Variants in ZNF106 observed in about 807,000 individuals in gnomAD.
ZNF106 encodes zinc finger protein 106, also known as SH3-domain binding protein 3.
In ZNF106, 67 loss-of-function variants were observed where a neutral mutation model predicts 195.1. That is an observed-to-expected ratio of 0.34 (90% CI 0.28 to 0.42). ZNF106 has a LOEUF of 0.42. ZNF106 is among the 10% of genes least tolerant of loss of function. The probability of loss-of-function intolerance (pLI) is 1.00; values close to 1 mark genes in which losing one functional copy is unlikely to be tolerated. For missense variants in ZNF106, 2,118 were observed against 2,304.5 expected (o/e 0.92, Z 1.66); for synonymous variants, 784 against 818.6 (o/e 0.96, Z 0.72).
rs2054413518 is a variant in ZNF106, at chr15:42,415,393, A to G, written c.*1911T>C. The G allele has an allele frequency of 4.4e-6, 2 of 454,182 alleles. No homozygotes were observed. Among genetic ancestry groups the G allele is most frequent in the African/African-American group, 2.0e-5 (1 of 49,858 alleles). 28.1% of individuals were successfully genotyped at this position (454,182 alleles called of 1,614,324 possible). The stretch of plus-strand genomic sequence containing the variant: ...CGCCTCGGCCTCCCAAAGAGCTGGG[A>G]TTACAGGTGTGAGCCACCAGGCCCG... On this transcript the variant is annotated 3_prime_UTR_variant, in exon 22 of 22. Coordinates refer to ENST00000564754, the MANE Select transcript of ZNF106 (RefSeq NM_001366845.3).
chr15:42,424,795 T>C, intron 16 of ZNF106, 39 bp downstream of exon 16: 1 of 1,589,670 alleles, frequency 6.3e-7, no homozygotes, highest in African/African-American at 1.3e-5. Context: ...ACCCTTCTAT[T>C]TGTGCCAGAC....
intron 5 of ZNF106, 87 bp from the exon 6 acceptor site, chr15:42,448,792 G>T: frequency 7.2e-7 from 1 of 1,390,394 alleles, no homozygotes; most frequent in Non-Finnish European, 9.6e-7. Context: ...GCTCTCTCAA[G>T]CACTGAGGTT....
At chr15:42,483,024 G>A (rs1392617079) in intron 1 of ZNF106, among the ~76,000 whole-genome samples, 1 of 151,990 alleles carries the variant, frequency 6.6e-6, no homozygotes, top group Non-Finnish European at 1.5e-5. Context: ...GGTTCTTCAG[G>A]CCACAAAGAC....
At chr15:42,447,977 C>T in intron 6 of ZNF106, 95 bp downstream of exon 6, 1 of 1,383,592 alleles carries the variant, frequency 7.2e-7, no homozygotes, top group Non-Finnish European at 9.8e-7. Flanking sequence ...GAATCACAAT[C>T]CCAGATACCC....
At position 42,438,617 on chromosome 15, in the gene ZNF106, G is replaced by T. The variant is rs1255328139; in HGVS notation, c.4595C>A (p.Ser1532Tyr). 6.2e-7 allele frequency: 1 copy of T among 1,613,316 alleles called. No individual in the cohort carries two copies. Among genetic ancestry groups the T allele is most frequent in the South Asian group, 1.1e-5 (1 of 90,966 alleles). ...VISSIKGSKN[S>Y]SEISSEPGDD... ...TAAAACTGAACAGCAAATACCTGAA[G>T]AATTCTTTGATCCTTTTATGGAGGA... Residue 1532 changes from serine to tyrosine, a missense_variant, in exon 12 of 22, where the codon TCT becomes TAT. Coordinates refer to ENST00000564754, the MANE Select transcript of ZNF106 (RefSeq NM_001366845.3).
intron 10 of ZNF106, among the ~76,000 whole-genome samples, chr15:42,440,995 AAAAATATATATATATATATATATATAT>A (rs1158493154): frequency 5.8e-5 from 3 of 52,096 alleles, no homozygotes; most frequent in African/African-American, 4.3e-4. Flanking sequence ...AAAAAAAAAA[AAAAATATATATATATATATATATATAT>A]ATATATATAT....
chr15:42,453,274 T>C (rs1346986618), intron 4 of ZNF106, among the ~76,000 whole-genome samples: 3 of 152,100 alleles, frequency 2.0e-5, no homozygotes, highest in East Asian at 3.9e-4. Flanking sequence ...ACCAAACAAG[T>C]AGTAACCATA....
At chr15:42,477,454 C>T (rs1195381916) in intron 1 of ZNF106, among the ~76,000 whole-genome samples, 3 of 152,184 alleles carry the variant, frequency 2.0e-5, no homozygotes, top group African/African-American at 7.2e-5. Context: ...CCTCTAGTTT[C>T]CCATATTAAC....
At chr15:42,421,197 CAA>C in intron 19 of ZNF106, 65 bp from the exon 20 acceptor site, 1 of 1,421,580 alleles carries the variant, frequency 7.0e-7, no homozygotes, top group East Asian at 2.3e-5. Flanking sequence ...ACCCTCAAAA[CAA>C]GAGTCACAAG....
At chr15:42,490,081 T>C (rs2057113092) in intron 1 of ZNF106, among the ~76,000 whole-genome samples, 1 of 150,190 alleles carries the variant, frequency 6.7e-6, no homozygotes, top group African/African-American at 2.5e-5. Context: ...ATACAAAAAA[T>C]TAGCCAGGTA....
At chr15:42,465,265 A>G (rs2056489386) in intron 3 of ZNF106, among the ~76,000 whole-genome samples, 1 of 151,892 alleles carries the variant, frequency 6.6e-6, no homozygotes, top group Admixed American at 6.6e-5. Context: ...TCAAGCTTCA[A>G]ATCACAGAAT....
rs749368578 is a variant in ZNF106 at position 42,450,052 on chromosome 15, A to T, written c.2220T>A (p.Pro740=). ...CAGGAAAGCCAAGCTTACTTAGTTC[A>T]GGCAGGAGAGGGCCCGAGGGCTGAC... is the stretch of plus-strand genomic sequence containing the variant. ...DISQPSGPLL[P]ELSKLGFPAS... The change falls in exon 5 of 22, where the codon CCT becomes CCA. Residue 740 remains proline, a synonymous_variant. Coordinates refer to ENST00000564754, the MANE Select transcript of ZNF106 (RefSeq NM_001366845.3). 9 of 1,614,110 alleles carry T rather than the reference A, an allele frequency of 5.6e-6. No homozygotes were observed.
chr15:42,442,533 T>G, intron 9 of ZNF106, 119 bp from the exon 10 acceptor site: 1 of 775,716 alleles, frequency 1.3e-6, no homozygotes, highest in African/African-American at 1.8e-5. Flanking sequence ...TATATTAGTA[T>G]AGTCCCTCAT....
intron 20 of ZNF106, among the ~76,000 whole-genome samples, chr15:42,419,526 A>G (rs1479366327): frequency 1.3e-5 from 2 of 152,012 alleles, no homozygotes; most frequent in African/African-American, 2.4e-5. Flanking sequence ...CCTGAGTAAC[A>G]TAACAAGACC....
chr15:42,428,889 G>C (rs1165638168), intron 14 of ZNF106, among the ~76,000 whole-genome samples: 1 of 151,656 alleles, frequency 6.6e-6, no homozygotes, highest in Non-Finnish European at 1.5e-5. Flanking sequence ...TCAGCCTCCC[G>C]AGTAGCTGGG....
At chr15:42,476,053 A>G (rs114341478) in intron 1 of ZNF106, among the ~76,000 whole-genome samples, 2,089 of 152,298 alleles carry the variant, frequency 0.014, 58 homozygotes, top group African/African-American at 0.048. Context: ...CTCTATATCA[A>G]CCTTTTAACC....
intron 4 of ZNF106, among the ~76,000 whole-genome samples, chr15:42,454,954 A>G (rs1327071045): frequency 6.6e-6 from 1 of 152,292 alleles, no homozygotes; most frequent in East Asian, 1.9e-4. Context: ...AGGCACATCA[A>G]AAGACTCAAA....
In ZNF106 at chr15:42,491,009, G is replaced by A. The variant is rs1396058651; in HGVS notation, c.-62C>T. 6.6e-6 allele frequency: 1 copy of A among 152,270 alleles called. No individual in the cohort carries two copies. The highest frequency in any genetic ancestry group is 1.5e-5 in the Non-Finnish European group (1 of 68,126). The allele number at this position is 152,270 out of a possible 1,614,324, so 9.4% of individuals were successfully genotyped here. On this transcript the variant is annotated 5_prime_UTR_variant, in exon 1 of 22. Coordinates refer to ENST00000564754, the MANE Select transcript of ZNF106 (RefSeq NM_001366845.3). ...ACAGCCAACCCCTCTTACTCCATCA[G>A]GCCGCCGAGAGCCAGGCGAGGGAGC...
intron 4 of ZNF106, among the ~76,000 whole-genome samples, chr15:42,453,165 T>C (rs1301659168): frequency 6.6e-6 from 1 of 152,156 alleles, no homozygotes; most frequent in Non-Finnish European, 1.5e-5. Flanking sequence ...TCAATAACTG[T>C]TAGTGGTATA....
Sources: gnomAD v4.1 joint callset for allele counts (sites outside exome capture counted in the v4.1 genomes callset) on GRCh38, gnomAD v4.1.1 for gene constraint, MANE v1.5 for transcripts, NCBI Gene and HGNC (gene_info 2026-07-23, HGNC 2026-07-21) for gene names.